Variants in VPS54 observed in about 807,000 individuals in gnomAD.
The protein encoded by VPS54 is VPS54 subunit of GARP complex, also known as vacuolar protein sorting-associated protein 54.
In VPS54, 45 loss-of-function variants were observed where a neutral mutation model predicts 121.5. The observed-to-expected ratio is 0.37, with a 90% CI of 0.29 to 0.47. The LOEUF is 0.47. Ranked by LOEUF, VPS54 falls within the 20% of genes least tolerant of loss-of-function variation. The pLI is 0.99. For missense variants in VPS54, 1,090 were observed against 1,131.4 expected (o/e 0.96, Z 0.52); for synonymous variants, 371 against 385.8 (o/e 0.96, Z 0.45).
chr2:63,958,962 T>C (rs1675627140), intron 7 of VPS54, among the ~76,000 whole-genome samples: 1 of 152,166 alleles, frequency 6.6e-6, no homozygotes, highest in South Asian at 2.1e-4. Context: ...AGTAGAATAT[T>C]TCTTATTTCC....
At chr2:63,998,781 AT>A (rs1045550396) in intron 1 of VPS54, among the ~76,000 whole-genome samples, 2 of 152,080 alleles carry the variant, frequency 1.3e-5, no homozygotes, top group African/African-American at 4.8e-5. Flanking sequence ...TATAGTTATA[AT>A]TTTTTATTGG....
At chr2:63,903,201 A>G (rs1409324760) in intron 20 of VPS54, among the ~76,000 whole-genome samples, 1 of 152,228 alleles carries the variant, frequency 6.6e-6, no homozygotes, top group Non-Finnish European at 1.5e-5. Context: ...ATCAAAGACA[A>G]TATTTTGAAG....
intron 12 of VPS54, among the ~76,000 whole-genome samples, chr2:63,923,990 G>C (rs1673773222): frequency 6.6e-6 from 1 of 152,340 alleles, no homozygotes; most frequent in East Asian, 1.9e-4. Flanking sequence ...GGGTTGGGTA[G>C]TTCCCAGACA....
chr2:63,972,397 CA>C (rs1187763813), intron 3 of VPS54, among the ~76,000 whole-genome samples, 153 bp from the exon 4 acceptor site: 1 of 152,160 alleles, frequency 6.6e-6, no homozygotes, highest in African/African-American at 2.4e-5. Flanking sequence ...ATACAAGTAA[CA>C]AGCGGTTAAT....
intron 22 of VPS54, 57 bp from the exon 23 acceptor site, chr2:63,893,592 AAAGT>A: frequency 1.4e-6 from 2 of 1,463,536 alleles, no homozygotes; most frequent in Admixed American, 3.6e-5. Context: ...TCAGATAATT[AAAGT>A]AACAGTGCTC....
rs1345961822 is a variant in VPS54, at chr2:63,892,456, T to TA, written c.*973dup. The TA allele has an allele frequency of 2.0e-5, 3 of 152,542 alleles. No homozygotes were observed. Among genetic ancestry groups the TA allele is most frequent in the Non-Finnish European group, 4.4e-5 (3 of 68,038 alleles). The allele number at this position is 152,542 out of a possible 1,614,324, so 9.4% of individuals were successfully genotyped here. On this transcript the variant is annotated 3_prime_UTR_variant, in exon 23 of 23. Coordinates refer to ENST00000272322, the MANE Select transcript of VPS54 (RefSeq NM_016516.3). ...GCCCCAACACAGCAGCCTATAGTTT[T>TA]AAAAGTTCTGTTTCTCCCTGGTCTT...
intron 20 of VPS54, among the ~76,000 whole-genome samples, chr2:63,910,055 T>TA (rs1251831208): frequency 1.3e-5 from 2 of 152,124 alleles, no homozygotes; most frequent in African/African-American, 4.8e-5. Context: ...AATCAACCCA[T>TA]ATGTTATTGT....
intron 7 of VPS54, among the ~76,000 whole-genome samples, chr2:63,955,259 T>C (rs1336521409): frequency 6.6e-6 from 1 of 151,926 alleles, no homozygotes; most frequent in Admixed American, 6.6e-5. Context: ...TATGTTTGAG[T>C]ATAAGTTTAA....
At chr2:63,970,529 T>C (rs1182210850) in intron 4 of VPS54, among the ~76,000 whole-genome samples, 1 of 152,014 alleles carries the variant, frequency 6.6e-6, no homozygotes, top group African/African-American at 2.4e-5. Context: ...CTCCTTAATA[T>C]ATAGTATTGA....
At chr2:63,998,947 T>C (rs1378062145) in intron 1 of VPS54, among the ~76,000 whole-genome samples, 3 of 152,130 alleles carry the variant, frequency 2.0e-5, no homozygotes, top group Non-Finnish European at 1.5e-5. Flanking sequence ...TTGAAGTACA[T>C]ACCCTTTAGC....
chr2:63,973,239 T>C lies in VPS54; in HGVS notation c.379-995A>G, dbSNP rs1344635352. Reference sequence around the variant, plus strand: ...TTTTGCTATTCTAATAGATATGTAGTGGCATCTCATTTTAATTATGAATTC... The same window carrying C: ...TTTTGCTATTCTAATAGATATGTAGCGGCATCTCATTTTAATTATGAATTC... On this transcript the variant is annotated intron_variant, in intron 3 of 22. Coordinates refer to ENST00000272322, the MANE Select transcript of VPS54 (RefSeq NM_016516.3). 2.0e-5 allele frequency among the ~76,000 whole-genome samples: 3 copies of C among 152,260 alleles called. No individual in the cohort carries two copies. In the East Asian group the frequency reaches 5.8e-4, roughly 29 times the overall value.
At position 63,920,539 on chromosome 2, in the gene VPS54, C is replaced by G; in HGVS notation, c.1958G>C (p.Cys653Ser). 1 of 1,588,044 alleles carries G rather than the reference C, an allele frequency of 6.3e-7. No individual in the cohort carries two copies. Among genetic ancestry groups the G allele is most frequent in the Non-Finnish European group, 8.6e-7 (1 of 1,167,730 alleles). ...ETFILDTEQI[C>S]GRKSTSLLGA... ...AAGTAATGACGTGCTTTTTCTTCCA[C>G]AGATCTGTTCGGTGTCTAAAATGAA... The change falls in exon 14 of 23, where the codon TGT (cysteine) becomes TCT (serine). Residue 653 changes from cysteine to serine, a missense_variant. Transcript: ENST00000272322.
chr2:63,939,510 G>A (rs1007435744), intron 11 of VPS54, among the ~76,000 whole-genome samples: 3 of 152,112 alleles, frequency 2.0e-5, no homozygotes, highest in African/African-American at 7.2e-5. Flanking sequence ...AATTCAAATA[G>A]TCTATTCCTG....
chr2:64,012,760 C>T (rs1237724987), intron 1 of VPS54, among the ~76,000 whole-genome samples: 2 of 152,030 alleles, frequency 1.3e-5, no homozygotes, highest in Non-Finnish European at 2.9e-5. Flanking sequence ...CCTGCCTCCT[C>T]CAGCTACTAC....
intron 20 of VPS54, among the ~76,000 whole-genome samples, chr2:63,902,797 A>G (rs1488555729): frequency 6.6e-6 from 1 of 152,000 alleles, no homozygotes; most frequent in Non-Finnish European, 1.5e-5. Context: ...GCAAAACCCC[A>G]TCTCTACTAA....
At chr2:63,920,903 T>C (rs1673611906) in intron 13 of VPS54, among the ~76,000 whole-genome samples, 1 of 152,070 alleles carries the variant, frequency 6.6e-6, no homozygotes, top group South Asian at 2.1e-4. Flanking sequence ...TACATATATT[T>C]AGGTATACAT....
chr2:63,966,125 G>C (rs1442924600), intron 5 of VPS54, among the ~76,000 whole-genome samples, 159 bp from the exon 6 acceptor site: 1 of 152,002 alleles, frequency 6.6e-6, no homozygotes, highest in Non-Finnish European at 1.5e-5. Context: ...ATATCTATAA[G>C]AAAAATGTGT....
At chr2:63,969,790 T>A (rs1351322914) in intron 4 of VPS54, among the ~76,000 whole-genome samples, 2 of 152,174 alleles carry the variant, frequency 1.3e-5, no homozygotes, top group Non-Finnish European at 2.9e-5. Flanking sequence ...TCTTTTCAAG[T>A]TTTGGTAAGA....
chr2:63,921,609 C>T (rs1288734979), intron 12 of VPS54, among the ~76,000 whole-genome samples: 1 of 152,048 alleles, frequency 6.6e-6, no homozygotes, highest in African/African-American at 2.4e-5. Flanking sequence ...CTTACTGAAA[C>T]CTCAAACTCC....
Sources: gnomAD v4.1 joint callset for allele counts (sites outside exome capture counted in the v4.1 genomes callset) on GRCh38, gnomAD v4.1.1 for gene constraint, MANE v1.5 for transcripts, NCBI Gene and HGNC (gene_info 2026-07-23, HGNC 2026-07-21) for gene names.